ZMYM1: variants seen among roughly 807,000 people sequenced by gnomAD.
The protein encoded by ZMYM1 is zinc finger MYM-type containing 1.
Under a neutral mutation model 60.0 loss-of-function variants are expected in ZMYM1, and 39 were observed. The observed-to-expected ratio is 0.65, with a 90% CI of 0.50 to 0.85. ZMYM1 has a LOEUF of 0.85. Ranked by LOEUF, ZMYM1 falls within the 40% of genes least tolerant of loss-of-function variation. The pLI, the probability that ZMYM1 is intolerant of heterozygous loss-of-function variation, is 0.00. For synonymous variants in ZMYM1, 413 were observed against 454.0 expected, an observed-to-expected ratio of 0.91 and a Z score of 1.15; for missense variants, 1,171 against 1,309.5, an observed-to-expected ratio of 0.89 and a Z score of 1.63.
At chr1:35,064,223 C>T (rs1641926473) in intron 1 of ZMYM1, among the ~76,000 whole-genome samples, 1 of 145,666 alleles carries the variant, frequency 6.9e-6, no homozygotes, top group Non-Finnish European at 1.5e-5. Context: ...ACTCAGGAGG[C>T]TGAGGCGGGA....
intron 1 of ZMYM1, among the ~76,000 whole-genome samples, chr1:35,088,452 A>ATGTGTGTG (rs1436872757): frequency 2.0e-5 from 2 of 101,662 alleles, no homozygotes; most frequent in African/African-American, 9.8e-5. Context: ...ATATATATAT[A>ATGTGTGTG]TATGTGTGTG....
At chr1:35,112,910 G>C in intron 9 of ZMYM1, 67 bp from the exon 10 acceptor site, 1 of 1,349,690 alleles carries the variant, frequency 7.4e-7, no homozygotes, top group East Asian at 2.6e-5. Context: ...TATTAGAGTA[G>C]ATATATTTGA....
Position 35,115,037 on chromosome 1 carries a change from A to C in ZMYM1, c.3207A>C (p.Leu1069=). ...LHSNIPCLSK[L]LYIALSWPIT... ...GTAATATTCCTTGTCTCTCAAAGCTATTATATATTGCTTTGTCTTGGCCAA... is the reference window on the plus strand; with the variant it reads ...GTAATATTCCTTGTCTCTCAAAGCTCTTATATATTGCTTTGTCTTGGCCAA... The change falls in exon 10 of 10, where the codon CTA becomes CTC. Residue 1069 remains leucine, a synonymous_variant. Coordinates refer to ENST00000359858, the MANE Select transcript of ZMYM1 (RefSeq NM_024772.5). The C allele has an allele frequency of 6.2e-7, 1 of 1,614,024 alleles. No homozygotes were observed. The highest frequency in any genetic ancestry group is 8.5e-7 in the Non-Finnish European group (1 of 1,179,926).
At chr1:35,073,247 T>A in intron 1 of ZMYM1, among the ~76,000 whole-genome samples, 1 of 33,680 alleles carries the variant, frequency 3.0e-5, no homozygotes, top group African/African-American at 9.3e-5. Flanking sequence ...AGCAACACTC[T>A]GTCAAAAAAA....
In ZMYM1 at chr1:35,066,572, T is replaced by A. The variant is rs181965023; in HGVS notation, c.-301+6647T>A. Among the ~76,000 whole-genome samples the A allele has an allele frequency of 2.9e-3, 440 of 152,248 alleles. 1 individual carries two copies. The highest frequency in any genetic ancestry group is 9.8e-3 in the African/African-American group (409 of 41,544). On this transcript the variant is annotated intron_variant, in intron 1 of 10. Transcript: ENST00000417119. ...AATTAGATATAAATCTAATAAAACA[T>A]GTTCTGTGTTGTATGCTGAAAGGAA...
At chr1:35,118,254 A>G (rs1013472455), downstream of ZMYM1, among the ~76,000 whole-genome samples, 10 of 152,118 alleles carry the variant, frequency 6.6e-5, no homozygotes, top group Non-Finnish European at 7.4e-5. Flanking sequence ...AAAAAAAAAA[A>G]AAAAAGAAAA....
In ZMYM1 at chr1:35,088,434, GTATATATA is replaced by G. The variant is rs58346528; in HGVS notation, c.-74-5466_-74-5459del. 7.0e-3 allele frequency among the ~76,000 whole-genome samples: 479 copies of G among 68,050 alleles called. 7 individuals are homozygous for G. The highest frequency in any genetic ancestry group is 0.019 in the African/African-American group (432 of 22,338). The allele number at this position is 68,050 out of a possible 152,430, so 44.6% of individuals were successfully genotyped here. ...CTCCATCTCAAAAATGTGTTTATGT[GTATATATA>G]TATATATATATATGTGTGTGTGTGT... On this transcript the variant is annotated intron_variant, in intron 1 of 9. Coordinates refer to ENST00000359858, the MANE Select transcript of ZMYM1 (RefSeq NM_024772.5).
chr1:35,101,356 GCC>G (rs1486230572), intron 4 of ZMYM1, among the ~76,000 whole-genome samples: 2 of 150,070 alleles, frequency 1.3e-5, no homozygotes, highest in Non-Finnish European at 3.0e-5. Context: ...GTATCTGCCT[GCC>G]CCAGCCTCCC....
In ZMYM1 at chr1:35,106,834, G is replaced by GT. The variant is rs201511848; in HGVS notation, c.807+2071dup. 3.2e-3 allele frequency among the ~76,000 whole-genome samples: 481 copies of GT among 149,972 alleles called. 4 individuals are homozygous for GT. The highest frequency in any genetic ancestry group is 0.011 in the African/African-American group (449 of 40,322). ...CACTCAATAGGCCTTGTTCTGGGTT[G>GT]TTTTTTGTTGTTGTTGTTGTTGTTG... is the stretch of plus-strand genomic sequence containing the variant. On this transcript the variant is annotated intron_variant, in intron 6 of 9. Coordinates refer to ENST00000359858, the MANE Select transcript of ZMYM1 (RefSeq NM_024772.5).
In ZMYM1 at chr1:35,115,335, CAA is replaced by C; in HGVS notation, c.*79_*80del. 4 of 1,447,386 alleles carry C rather than the reference CAA, an allele frequency of 2.8e-6. No individual in the cohort carries two copies. The highest frequency in any genetic ancestry group is 3.7e-6 in the Non-Finnish European group (4 of 1,094,034). 89.7% of individuals were successfully genotyped at this position (1,447,386 alleles called of 1,614,324 possible). A position where few individuals can be genotyped will look rare whatever the true frequency, so the allele number is the denominator to read the frequency against. Reference sequence around the variant, plus strand: ...TTTCATTTCAAAATTGTTCAAAATTCAAAAGACACAGAACGATAAACAGTGAA... The same window carrying C: ...TTTCATTTCAAAATTGTTCAAAATTCAAGACACAGAACGATAAACAGTGAA... On this transcript the variant is annotated 3_prime_UTR_variant, in exon 10 of 10. Coordinates refer to ENST00000359858, the MANE Select transcript of ZMYM1 (RefSeq NM_024772.5).
intron 1 of ZMYM1, among the ~76,000 whole-genome samples, chr1:35,062,957 A>G (rs559181105): frequency 6.6e-6 from 1 of 152,140 alleles, no homozygotes; most frequent in Non-Finnish European, 1.5e-5. Context: ...ACGGAAGTTT[A>G]TTTCTGTCTC....
chr1:35,060,050 A>G (rs1044031720), intron 1 of ZMYM1: 3 of 152,092 alleles, frequency 2.0e-5, no homozygotes, highest in African/African-American at 4.8e-5. Flanking sequence ...GCCAGTGCTG[A>G]GCACTAGATA....
intron 1 of ZMYM1, among the ~76,000 whole-genome samples, chr1:35,086,816 G>A (rs1247751200): frequency 6.6e-6 from 1 of 151,110 alleles, no homozygotes; most frequent in Non-Finnish European, 1.5e-5. Context: ...CGAGTAGCAG[G>A]GATTACAGGC....
intron 1 of ZMYM1, among the ~76,000 whole-genome samples, chr1:35,072,432 G>C (rs1042685946): frequency 1.6e-4 from 24 of 151,732 alleles, no homozygotes; most frequent in African/African-American, 5.6e-4. Context: ...TTATTTATTT[G>C]GGTCTTTTCT....
Position 35,095,857 on chromosome 1 carries a change from T to C in ZMYM1, c.135T>C (p.Asn45=), listed in dbSNP as rs754776480. 6.2e-7 allele frequency: 1 copy of C among 1,610,502 alleles called. No homozygotes were observed. Among genetic ancestry groups the C allele is most frequent in the Admixed American group, 1.7e-5 (1 of 59,834 alleles). ...CHRQQSRTQE[N]ELKINAVFSE... ...GGCAACAGTCCAGAACTCAGGAGAA[T>C]GAACTGAAAATAAATGCTGTGTTTT... is the stretch of plus-strand genomic sequence containing the variant. The change falls in exon 3 of 10, where the codon AAT becomes AAC. Residue 45 remains asparagine, a synonymous_variant. Coordinates refer to ENST00000359858, the MANE Select transcript of ZMYM1 (RefSeq NM_024772.5).
At chr1:35,108,985 C>T (rs115362730) in intron 6 of ZMYM1, among the ~76,000 whole-genome samples, 2,255 of 151,964 alleles carry the variant, frequency 0.015, 51 homozygotes, top group African/African-American at 0.049. Flanking sequence ...GCTGGGATTA[C>T]GGGCAAGAGC....
chr1:35,083,971 C>T (rs61777988), intron 1 of ZMYM1, among the ~76,000 whole-genome samples: 9,053 of 152,254 alleles, frequency 0.059, 356 homozygotes, highest in Non-Finnish European at 0.094. Context: ...TATCCTAGAA[C>T]TGAATAAGAG....
In ZMYM1 at chr1:35,114,747, G is replaced by A. The variant is rs1644211745; in HGVS notation, c.2917G>A (p.Asp973Asn). The A allele has an allele frequency of 2.0e-5, 31 of 1,586,050 alleles. No individual in the cohort carries two copies. The highest frequency in any genetic ancestry group is 2.7e-5 in the Non-Finnish European group (31 of 1,164,658). Residue 973 changes from aspartate (D) to asparagine (N), a missense_variant, in exon 10 of 10, where the codon GAT becomes AAT. Physicochemically the swap from Asp to Asn is conservative, Grantham distance 23 (BLOSUM62 1). Transcript: ENST00000359858. ...AATTAATATCTATTACCAAGGATTAGATACTATATTACAAAATTTAAAGTT... is the reference window on the plus strand; with the variant it reads ...AATTAATATCTATTACCAAGGATTAAATACTATATTACAAAATTTAAAGTT... ...YKINIYYQGL[D>N]TILQNLKLCF... is the part of the protein sequence containing the mutation.
At chr1:35,112,271 G>A in intron 9 of ZMYM1, 141 bp downstream of exon 9, 2 of 730,114 alleles carry the variant, frequency 2.7e-6, no homozygotes, top group Non-Finnish European at 4.5e-6. Flanking sequence ...TTTGCCTCCT[G>A]GGTTCAAGCG....
Sources: allele counts gnomAD v4.1 joint callset (sites outside exome capture counted in the v4.1 genomes callset), GRCh38; gene constraint gnomAD v4.1.1; transcripts MANE v1.5; gene names NCBI Gene and HGNC (gene_info 2026-07-23, HGNC 2026-07-21).